SSC5D: variants seen among roughly 807,000 people sequenced by gnomAD.
The protein encoded by SSC5D is scavenger receptor cysteine rich family member with 5 domains.
Under a neutral mutation model 104.6 loss-of-function variants are expected in SSC5D, and 106 were observed. The ratio of observed to expected loss-of-function variants is 1.01; its 90% CI spans 0.87 to 1.19. The LOEUF is 1.19. SSC5D is among the 50% of genes most tolerant of loss of function. The pLI is 0.00. For missense variants in SSC5D, 1,993 were observed against 2,153.8 expected, an observed-to-expected ratio of 0.93 and a Z score of 1.48; for synonymous variants, 860 against 883.5, an observed-to-expected ratio of 0.97 and a Z score of 0.47.
rs1257498358 is a variant in SSC5D at position 55,491,096 on chromosome 19, G to T, written c.895+16G>T. 1 of 1,541,554 alleles carries T rather than the reference G, an allele frequency of 6.5e-7. No individual in the cohort carries two copies. Among genetic ancestry groups the T allele is most frequent in the East Asian group, 2.5e-5 (1 of 40,688 alleles). ...GTCTGCACCGGTACGTCGGGCTGGGGCCTGGCCCCCTCCTGTCTTCCTCAG... is the reference window on the plus strand; with the variant it reads ...GTCTGCACCGGTACGTCGGGCTGGGTCCTGGCCCCCTCCTGTCTTCCTCAG... On this transcript the variant is annotated intron_variant, in intron 6 of 13. Transcript: ENST00000389623.
In SSC5D at chr19:55,517,297, G is replaced by A. The variant is rs1987893516; in HGVS notation, c.3021G>A (p.Pro1007=). ...PAATRTAPPT[P]SPGPSASPGP... The stretch of plus-strand genomic sequence containing the variant: ...CGACCAGGACAGCGCCCCCAACCCC[G>A]TCCCCAGGTCCCTCCGCCTCTCCGG... Residue 1007 remains proline (P), a synonymous_variant, in exon 14 of 14, where the codon CCG becomes CCA. Transcript: ENST00000389623. 1.3e-6 allele frequency: 2 copies of A among 1,548,680 alleles called. No individual in the cohort carries two copies.
Position 55,498,003 on chromosome 19 carries a change from T to C in SSC5D, c.1511T>C (p.Val504Ala). The change falls in exon 9 of 14, where the codon GTC becomes GCC. Residue 504 changes from valine (V) to alanine (A), a missense_variant. Transcript: ENST00000389623. ...DSWDMRDSAV[V>A]CRELGCGGPQ... ...TGGGACATGCGGGATTCAGCTGTGG[T>C]CTGCCGGGAGCTGGGCTGTGGTGGA... The C allele has an allele frequency of 6.4e-7, 1 of 1,551,740 alleles. No individual in the cohort carries two copies. Among genetic ancestry groups the C allele is most frequent in the Middle Eastern group, 1.7e-4 (1 of 5,992 alleles).
Position 55,489,065 on chromosome 19 carries a change from C to G in SSC5D, c.52+33C>G, listed in dbSNP as rs79231493. The G allele has an allele frequency of 1.1e-4, 92 of 864,538 alleles. 2 individuals are homozygous for G. The African/African-American group carries it at 2.1e-3, about 20-fold the overall frequency. 53.6% of individuals were successfully genotyped at this position (864,538 alleles called of 1,614,324 possible). On this transcript the variant is annotated intron_variant, in intron 2 of 13. Coordinates refer to ENST00000389623, the MANE Select transcript of SSC5D (RefSeq NM_001144950.2). ...CCCAGACTCCTCCCATCTGCCCGCC[C>G]CCCCCCCCAGGCCTCCCCCTTCTGC...
intron 13 of SSC5D, among the ~76,000 whole-genome samples, chr19:55,516,905 C>T (rs1377705308): frequency 3.3e-5 from 5 of 151,956 alleles, no homozygotes; most frequent in Non-Finnish European, 7.4e-5. Context: ...CCCGCCCCCT[C>T]CCGCACCCCA....
Position 55,495,901 on chromosome 19 carries a change from A to ATTTTTTTTTTTTTTTTTTTTTTTTTTTT in SSC5D, c.1387+1140_1387+1141insTTTTTTTTTTTTTTTTTTTTTTTTTTTT, listed in dbSNP as rs36109915. The stretch of plus-strand genomic sequence containing the variant: ...CAGCTGCATGCCACCGAGCCTGGCT[A>ATTTTTTTTTTTTTTTTTTTTTTTTTTTT]TTTTTTTTTTTTTTTTTTTTTTGTA... On this transcript the variant is annotated intron_variant, in intron 8 of 13. Transcript: ENST00000389623. Among the ~76,000 whole-genome samples, 3 of 98,710 alleles carry ATTTTTTTTTTTTTTTTTTTTTTTTTTTT rather than the reference A, an allele frequency of 3.0e-5. 1 individual carries two copies. Among genetic ancestry groups the ATTTTTTTTTTTTTTTTTTTTTTTTTTTT allele is most frequent in the African/African-American group, 4.1e-5 (1 of 24,462 alleles). 64.8% of individuals were successfully genotyped at this position (98,710 alleles called of 152,430 possible). A position where few individuals can be genotyped will look rare whatever the true frequency, so the allele number is the denominator to read the frequency against.
At chr19:55,510,520 T>C (rs1387511896) in intron 12 of SSC5D, among the ~76,000 whole-genome samples, 2 of 151,942 alleles carry the variant, frequency 1.3e-5, no homozygotes, top group Non-Finnish European at 2.9e-5. Flanking sequence ...GGCTAATTTT[T>C]GTATTTTTAG....
intron 12 of SSC5D, chr19:55,504,225 G>T (rs1403015855): frequency 9.1e-6 from 14 of 1,530,716 alleles, no homozygotes; most frequent in Middle Eastern, 1.7e-4. Context: ...GGCACGTGCC[G>T]GGCACAGCGG....
At chr19:55,506,362 G>A (rs10411390) in intron 12 of SSC5D, among the ~76,000 whole-genome samples, 15,865 of 137,914 alleles carry the variant, frequency 0.12, 1,223 homozygotes, top group African/African-American at 0.17. Flanking sequence ...TTGGAGGCCT[G>A]TGGAATTTGG....
In SSC5D at chr19:55,513,086, C is replaced by A. The variant is rs1209289324; in HGVS notation, c.2861C>A (p.Thr954Asn). 3 of 1,550,952 alleles carry A rather than the reference C, an allele frequency of 1.9e-6. No homozygotes were observed. Among genetic ancestry groups the A allele is most frequent in the East Asian group, 4.9e-5 (2 of 40,888 alleles). ...AGGGGCCTGGCTGAGGGGACCCCTA[C>A]CGCAGGCAAACTAGGACCAACTCTT... Reference protein sequence around the residue: ...SGRGLAEGTPTAGKLGPTLGA... With the variant: ...SGRGLAEGTPNAGKLGPTLGA... Residue 954 changes from threonine (T) to asparagine (N), a missense_variant, in exon 13 of 14, where the codon ACC (threonine) becomes AAC (asparagine). Thr to Asn is a moderately conservative substitution (Grantham distance 65). This residue lies in a region of SSC5D where 423 missense variants were observed against 409.2 expected (regional missense o/e 1.03). Coordinates refer to ENST00000389623, the MANE Select transcript of SSC5D (RefSeq NM_001144950.2).
Position 55,489,403 on chromosome 19 carries a change from G to A in SSC5D, c.102G>A (p.Glu34=), listed in dbSNP as rs770160235. Residue 34 remains glutamate (E), a synonymous_variant, in exon 3 of 14, where the codon GAG becomes GAA. Coordinates refer to ENST00000389623, the MANE Select transcript of SSC5D (RefSeq NM_001144950.2). ...DGPHGCAGRL[E]VWHGGRWGTV... ...CCCATGGGTGCGCTGGCCGCCTGGA[G>A]GTCTGGCATGGCGGGCGCTGGGGCA... The A allele has an allele frequency of 8.7e-6, 13 of 1,490,294 alleles. No homozygotes were observed. In the South Asian group the frequency reaches 1.2e-4, roughly 14 times the overall value. 92.3% of individuals were successfully genotyped at this position (1,490,294 alleles called of 1,614,324 possible).
chr19:55,504,989 G>GTTTTTTTTTTTTTTTTTTTTT (rs1568481923), intron 12 of SSC5D, among the ~76,000 whole-genome samples: 1 of 151,832 alleles, frequency 6.6e-6, no homozygotes, highest in African/African-American at 2.4e-5. Context: ...ATTATAACCT[G>GTTTTTTTTTTTTTTTTTTTTT]TTTTAAGTGA....
chr19:55,518,119 T>G lies in SSC5D; in HGVS notation c.3843T>G (p.Pro1281=). 2.9e-6 allele frequency: 4 copies of G among 1,357,240 alleles called. No individual in the cohort carries two copies. Among genetic ancestry groups the G allele is most frequent in the Non-Finnish European group, 3.9e-6 (4 of 1,026,586 alleles). 84.1% of individuals were successfully genotyped at this position (1,357,240 alleles called of 1,614,324 possible). Reference sequence around the variant, plus strand: ...CGATGCCTCATCCCACCACGACCCCTCACCCCACCACGACTCCTCACCCCA... The same window carrying G: ...CGATGCCTCATCCCACCACGACCCCGCACCCCACCACGACTCCTCACCCCA... ...PTTMPHPTTT[P]HPTTTPHPTT... Residue 1281 remains proline, a synonymous_variant, in exon 14 of 14, where the codon CCT becomes CCG. Transcript: ENST00000389623.
chr19:55,504,068 G>C (rs1289133784), intron 12 of SSC5D: 23 of 1,517,410 alleles, frequency 1.5e-5, no homozygotes, highest in Non-Finnish European at 1.9e-5. Context: ...CGTGACTTGG[G>C]GGTGGGTGGG....
intron 9 of SSC5D, among the ~76,000 whole-genome samples, chr19:55,499,269 C>A (rs1483558513): frequency 6.6e-6 from 1 of 152,222 alleles, no homozygotes; most frequent in African/African-American, 2.4e-5. Context: ...TTACTGCACA[C>A]GTGTGCTAAT....
chr19:55,516,576 C>T (rs1381590309), intron 13 of SSC5D, among the ~76,000 whole-genome samples: 2 of 151,372 alleles, frequency 1.3e-5, no homozygotes, highest in East Asian at 3.9e-4. Context: ...TGTTGGATCC[C>T]GTCTTTGGTT....
chr19:55,490,232 T>G, intron 4 of SSC5D, 66 bp from the exon 5 acceptor site: 2 of 654,894 alleles, frequency 3.1e-6, no homozygotes, highest in Non-Finnish European at 2.8e-6. Flanking sequence ...GACGGAGGCC[T>G]GGGCCCCCAG....
chr19:55,518,696 G>A lies in SSC5D; in HGVS notation c.4420G>A (p.Val1474Met), dbSNP rs1197580825. Residue 1474 changes from valine (V) to methionine (M), a missense_variant, in exon 14 of 14, where the codon GTG (valine) becomes ATG (methionine). This residue lies in a region of SSC5D where 349 missense variants were observed against 397.6 expected (regional missense o/e 0.88). Coordinates refer to ENST00000389623, the MANE Select transcript of SSC5D (RefSeq NM_001144950.2). ...GAGCCCAGGCCCCCATGGTCCATGT[G>A]TGGCCCCAACACCACCTGTAAGGGT... is the stretch of plus-strand genomic sequence containing the variant. ...GQSPGPHGPC[V>M]APTPPVRVMA... 6.4e-7 allele frequency: 1 copy of A among 1,550,512 alleles called. No individual in the cohort carries two copies. The highest frequency in any genetic ancestry group is 1.2e-5 in the South Asian group (1 of 83,986).
At chr19:55,510,234 A>T (rs1260011366) in intron 12 of SSC5D, among the ~76,000 whole-genome samples, 1 of 152,122 alleles carries the variant, frequency 6.6e-6, no homozygotes, top group Non-Finnish European at 1.5e-5. Context: ...CCTGGGCTCA[A>T]CTGATCCACC....
At position 55,491,117 on chromosome 19, in the gene SSC5D, C is replaced by T. The variant is rs1401923770; in HGVS notation, c.895+37C>T. 9.2e-6 allele frequency: 14 copies of T among 1,525,242 alleles called. No homozygotes were observed. In the South Asian group the frequency reaches 1.4e-4, roughly 15 times the overall value. The allele number at this position is 1,525,242 out of a possible 1,614,324, so 94.5% of individuals were successfully genotyped here. On this transcript the variant is annotated intron_variant, in intron 6 of 13. Coordinates refer to ENST00000389623, the MANE Select transcript of SSC5D (RefSeq NM_001144950.2). ...TGGGGCCTGGCCCCCTCCTGTCTTCCTCAGACCCCAGCTCCCTCTTGCCCC... is the reference window on the plus strand; with the variant it reads ...TGGGGCCTGGCCCCCTCCTGTCTTCTTCAGACCCCAGCTCCCTCTTGCCCC...
Sources: allele counts gnomAD v4.1 joint callset (sites outside exome capture counted in the v4.1 genomes callset), GRCh38; gene constraint gnomAD v4.1.1; regional missense constraint gnomAD v4.1.1; transcripts MANE v1.5; gene names NCBI Gene and HGNC (gene_info 2026-07-23, HGNC 2026-07-21).